Variants in BAG6 observed in about 807,000 individuals in gnomAD.
BAG6 encodes the protein large proline-rich protein BAG6.
A neutral mutation model predicts 121.0 loss-of-function variants in BAG6; 22 were observed. The observed-to-expected ratio is 0.18, with a 90% CI of 0.13 to 0.26. BAG6 has a LOEUF of 0.26. Among genes scored for constraint, BAG6 ranks in the 10% least tolerant of loss-of-function variants. BAG6 has a pLI of 1.00. For missense variants in BAG6, 1,233 were observed against 1,537.7 expected (o/e 0.80, Z 3.31); for synonymous variants, 583 against 584.6 (o/e 1.00, Z 0.04).
In BAG6 at chr6:31,644,840, C is replaced by T. The variant is rs1787245727; in HGVS notation, c.1369+106G>A. 6.6e-7 allele frequency: 1 copy of T among 1,504,382 alleles called. No individual in the cohort carries two copies. Among genetic ancestry groups the T allele is most frequent in the South Asian group, 1.3e-5 (1 of 77,600 alleles). The allele number at this position is 1,504,382 out of a possible 1,614,324, so 93.2% of individuals were successfully genotyped here. ...GCTTCTGCTCTGGTCCCCAGGCTACCACCACCAGCATGTGCCTCTCCCTTC... is the reference window on the plus strand; with the variant it reads ...GCTTCTGCTCTGGTCCCCAGGCTACTACCACCAGCATGTGCCTCTCCCTTC... On this transcript the variant is annotated intron_variant, in intron 10 of 25. Coordinates refer to ENST00000676615, the MANE Select transcript of BAG6 (RefSeq NM_001387994.1). The surrounding 1 kb of genome is among the most constrained non-coding windows in gnomAD (Gnocchi z 4.9).
At chr6:31,639,685 G>A (rs762721537) in intron 24 of BAG6, 39 bp from the exon 25 acceptor site, 80 of 1,576,076 alleles carry the variant, frequency 5.1e-5, no homozygotes, top group African/African-American at 6.7e-5. Context: ...GAGGATCAAC[G>A]TCAGATCCAG....
chr6:31,642,782 G>A, intron 15 of BAG6, 47 bp downstream of exon 15: 1 of 1,594,892 alleles, frequency 6.3e-7, no homozygotes, highest in Non-Finnish European at 8.5e-7. Context: ...CTGCCTGGCT[G>A]GGCCGGGGGA....
intron 2 of BAG6, among the ~76,000 whole-genome samples, chr6:31,651,411 C>T (rs1253653939): frequency 2.0e-5 from 3 of 152,240 alleles, no homozygotes; most frequent in African/African-American, 7.2e-5. Context: ...TAGTGGCACA[C>T]GCCTATAATC....
rs370633212 is a variant in BAG6 at position 31,640,926 on chromosome 6, G to A, written c.2800C>T (p.Arg934Cys). Residue 934 changes from arginine to cysteine, a missense_variant, in exon 21 of 26, where the codon CGT (arginine) becomes TGT (cysteine). Coordinates refer to ENST00000676615, the MANE Select transcript of BAG6 (RefSeq NM_001387994.1). This position sits in a 1 kb window ranked among gnomAD's most constrained non-coding sequence, Gnocchi z 4.2. ...CTCACCAAGGAGGGATTCACCCCAC[G>A]AGACATACGACGCTGAGGGACAGAA... ...VINGRIRRMS[R>C]GVNPSLVSWL... The A allele has an allele frequency of 2.2e-5, 36 of 1,612,710 alleles. No homozygotes were observed. Among genetic ancestry groups the A allele is most frequent in the Non-Finnish European group, 2.9e-5 (34 of 1,179,934 alleles).
chr6:31,643,463 C>T (rs1042323905), intron 14 of BAG6, among the ~76,000 whole-genome samples: 3 of 151,308 alleles, frequency 2.0e-5, no homozygotes, highest in African/African-American at 7.3e-5. Context: ...ATGGCTCAAG[C>T]CTGTAATCCC....
chr6:31,640,630 C>A lies in BAG6; in HGVS notation c.2994+15G>T. The A allele has an allele frequency of 6.2e-7, 1 of 1,612,946 alleles. No individual in the cohort carries two copies. Among genetic ancestry groups the A allele is most frequent in the Non-Finnish European group, 8.5e-7 (1 of 1,179,952 alleles). The stretch of plus-strand genomic sequence containing the variant: ...CACATTATCTGGCCCCTCAACCTCC[C>A]CCTCTCTAGAGTACCTGAGGCTCAG... On this transcript the variant is annotated intron_variant, in intron 22 of 25. Transcript: ENST00000676615. The surrounding 1 kb of genome is among the most constrained non-coding windows in gnomAD (Gnocchi z 4.2).
Position 31,649,360 on chromosome 6 carries a change from C to G in BAG6, c.262G>C (p.Ala88Pro), listed in dbSNP as rs1373711327. The change falls in exon 4 of 26, where the codon GCT (alanine) becomes CCT (proline). Residue 88 changes from alanine (A) to proline (P), a missense_variant. Coordinates refer to ENST00000676615, the MANE Select transcript of BAG6 (RefSeq NM_001387994.1). The part of the protein sequence containing the change: ...GGKVIHLVER[A>P]PPQTHLPSGA... ...GAAGGGAGGTGAGTCTGAGGAGGAGCCCGTTCCACCAGGTGGATAACCTTT... is the reference window on the plus strand; with the variant it reads ...GAAGGGAGGTGAGTCTGAGGAGGAGGCCGTTCCACCAGGTGGATAACCTTT... 6.2e-7 allele frequency: 1 copy of G among 1,609,486 alleles called. No homozygotes were observed. The highest frequency in any genetic ancestry group is 8.5e-7 in the Non-Finnish European group (1 of 1,177,970).
Position 31,644,688 on chromosome 6 carries a change from C to G in BAG6, c.1370-86G>C, listed in dbSNP as rs895418035. On this transcript the variant is annotated intron_variant, in intron 10 of 25. Coordinates refer to ENST00000676615, the MANE Select transcript of BAG6 (RefSeq NM_001387994.1). The surrounding 1 kb of genome is among the most constrained non-coding windows in gnomAD (Gnocchi z 4.9). ...CTTCTGAGATCAGGCATACTTCAGG[C>G]CCATAATCCCCCAATCAGAAAGCCT... 2.2e-6 allele frequency: 3 copies of G among 1,392,236 alleles called. No individual in the cohort carries two copies. In the African/African-American group the frequency reaches 4.3e-5, roughly 20 times the overall value. 86.2% of individuals were successfully genotyped at this position (1,392,236 alleles called of 1,614,324 possible). A position where few individuals can be genotyped will look rare whatever the true frequency, so the allele number is the denominator to read the frequency against.
chr6:31,639,240 G>A lies in BAG6; in HGVS notation c.3394-14C>T. 1 of 1,597,184 alleles carries A rather than the reference G, an allele frequency of 6.3e-7. No homozygotes were observed. The highest frequency in any genetic ancestry group is 8.6e-7 in the Non-Finnish European group (1 of 1,167,784). On this transcript the variant is annotated splice_polypyrimidine_tract_variant and intron_variant, in intron 25 of 25. Coordinates refer to ENST00000676615, the MANE Select transcript of BAG6 (RefSeq NM_001387994.1). The stretch of plus-strand genomic sequence containing the variant: ...ATCAGACCGGAGCTAAAGAGAAAAA[G>A]TAAGCAGGTTGGAGAAACGCTGGCC...
chr6:31,652,342 C>CACACACAA (rs1798070386), intron 1 of BAG6, 82 bp downstream of exon 1: 1 of 151,454 alleles, frequency 6.6e-6, no homozygotes, highest in Non-Finnish European at 1.5e-5. Flanking sequence ...CACACACACA[C>CACACACAA]ACACACACAC....
rs778678935 is a variant in BAG6 at position 31,644,433 on chromosome 6, G to A, written c.1448-19C>T. On this transcript the variant is annotated intron_variant, in intron 11 of 25. Coordinates refer to ENST00000676615, the MANE Select transcript of BAG6 (RefSeq NM_001387994.1). This position sits in a 1 kb window ranked among gnomAD's most constrained non-coding sequence, Gnocchi z 4.9. ...GTGGAGCCTGGGGGGCGGGTCTGAT[G>A]TAACCTTGAACCTGGACCCCTTCAA... is the stretch of plus-strand genomic sequence containing the variant. 12 of 1,552,614 alleles carry A rather than the reference G, an allele frequency of 7.7e-6. No homozygotes were observed. In the South Asian group the frequency reaches 1.2e-4, roughly 15 times the overall value.
rs971297190 is a variant in BAG6, at chr6:31,639,101, CCT to C, written c.*28_*29del. 6 of 1,566,376 alleles carry C rather than the reference CCT, an allele frequency of 3.8e-6. No individual in the cohort carries two copies. In the African/African-American group the frequency reaches 8.3e-5, roughly 22 times the overall value. The stretch of plus-strand genomic sequence containing the variant: ...TGAAGGAAGAGGGGGGAAACGGTCC[CCT>C]GATGAGGAAGGGCCATAGAGCAAAG... On this transcript the variant is annotated 3_prime_UTR_variant, in exon 26 of 26. Coordinates refer to ENST00000676615, the MANE Select transcript of BAG6 (RefSeq NM_001387994.1).
chr6:31,651,809 T>C, intron 1 of BAG6, 33 bp from the exon 2 acceptor site: 1 of 1,553,720 alleles, frequency 6.4e-7, no homozygotes, highest in Non-Finnish European at 8.9e-7. Context: ...AGGCCCGCTG[T>C]TGCCCAGACC....
chr6:31,645,143 G>C lies in BAG6; in HGVS notation c.1172C>G (p.Thr391Ser). 6.2e-7 allele frequency: 1 copy of C among 1,612,904 alleles called. No homozygotes were observed. The highest frequency in any genetic ancestry group is 8.5e-7 in the Non-Finnish European group (1 of 1,179,958). ...AGGGGGAGGTGCCTCTGCATTGGGA[G>C]TTGGGGGGGGCCGAGTCCCATTTCC... The part of the protein sequence containing the change: ...MTGNGTRPPP[T>S]PNAEAPPPGP... Residue 391 changes from threonine to serine, a missense_variant, in exon 10 of 26, where the codon ACT becomes AGT. Coordinates refer to ENST00000676615, the MANE Select transcript of BAG6 (RefSeq NM_001387994.1).
At chr6:31,649,670 A>C in intron 2 of BAG6, 43 bp from the exon 3 acceptor site, 1 of 1,556,102 alleles carries the variant, frequency 6.4e-7, no homozygotes, top group Non-Finnish European at 8.9e-7. Flanking sequence ...GAATGGAGGA[A>C]AGAGGAAGAA....
At chr6:31,651,512 C>T (rs1163673693) in intron 2 of BAG6, 144 bp downstream of exon 2, 1 of 700,632 alleles carries the variant, frequency 1.4e-6, no homozygotes, top group Non-Finnish European at 2.4e-6. Context: ...GCACTCCAGC[C>T]TGGAAGACAG....
At position 31,642,189 on chromosome 6, in the gene BAG6, C is replaced by T; in HGVS notation, c.2258G>A (p.Ser753Asn). ...TTGTATGAAGGCAGCAATACTTTCACTGCTGCCAGCCCGAGCCCCCAGGGA... is the reference window on the plus strand; with the variant it reads ...TTGTATGAAGGCAGCAATACTTTCATTGCTGCCAGCCCGAGCCCCCAGGGA... Reference protein sequence around the residue: ...LGSLGARAGSSESIAAFIQRL... With the variant: ...LGSLGARAGSNESIAAFIQRL... Residue 753 changes from serine to asparagine, a missense_variant, in exon 16 of 26, where the codon AGT becomes AAT. Coordinates refer to ENST00000676615, the MANE Select transcript of BAG6 (RefSeq NM_001387994.1). 3.7e-6 allele frequency: 6 copies of T among 1,612,968 alleles called. No individual in the cohort carries two copies. The highest frequency in any genetic ancestry group is 1.1e-5 in the South Asian group (1 of 91,088).
At position 31,644,934 on chromosome 6, in the gene BAG6, A is replaced by G; in HGVS notation, c.1369+12T>C. On this transcript the variant is annotated intron_variant, in intron 10 of 25. Coordinates refer to ENST00000676615, the MANE Select transcript of BAG6 (RefSeq NM_001387994.1). The surrounding 1 kb of genome is among the most constrained non-coding windows in gnomAD (Gnocchi z 4.9). Reference sequence around the variant, plus strand: ...TGCTGATCCTGCTCTTCTCGCCAGCAACTATTCTCACCTTGAATGTTCATG... The same window carrying G: ...TGCTGATCCTGCTCTTCTCGCCAGCGACTATTCTCACCTTGAATGTTCATG... 1.9e-6 allele frequency: 3 copies of G among 1,559,746 alleles called. No homozygotes were observed. Among genetic ancestry groups the G allele is most frequent in the Non-Finnish European group, 2.6e-6 (3 of 1,151,262 alleles).
chr6:31,644,253 G>A lies in BAG6; in HGVS notation c.1555+54C>T. The A allele has an allele frequency of 6.4e-7, 1 of 1,569,742 alleles. No homozygotes were observed. Among genetic ancestry groups the A allele is most frequent in the Admixed American group, 1.9e-5 (1 of 52,904 alleles). On this transcript the variant is annotated intron_variant, in intron 12 of 25. Coordinates refer to ENST00000676615, the MANE Select transcript of BAG6 (RefSeq NM_001387994.1). The surrounding 1 kb of genome is among the most constrained non-coding windows in gnomAD (Gnocchi z 4.9). ...CTGAGGGCCAGGCCCTTGCCAGCCA[G>A]CTGCCACCATGGACTGTGCCCTACC...
Sources: allele counts gnomAD v4.1 joint callset (sites outside exome capture counted in the v4.1 genomes callset), GRCh38; gene constraint gnomAD v4.1.1; non-coding constraint Gnocchi (gnomAD v3.1); transcripts MANE v1.5; gene names NCBI Gene and HGNC (gene_info 2026-07-23, HGNC 2026-07-21).